KLHDC8A: variants seen among roughly 807,000 people sequenced by gnomAD.
KLHDC8A encodes the protein kelch domain containing 8A, also known as kelch domain-containing protein 8A.
A neutral mutation model predicts 33.1 loss-of-function variants in KLHDC8A; 21 were observed. The observed-to-expected ratio is 0.64, with a 90% CI of 0.45 to 0.91. The LOEUF is 0.91. Among genes scored for constraint, KLHDC8A ranks in the 40% least tolerant of loss-of-function variants. The probability of loss-of-function intolerance (pLI) is 0.00; values close to 1 mark genes in which losing one functional copy is unlikely to be tolerated. For missense variants in KLHDC8A, 435 were observed against 483.3 expected, an observed-to-expected ratio of 0.90 and a Z score of 0.94; for synonymous variants, 173 against 193.5, an observed-to-expected ratio of 0.89 and a Z score of 0.88.
Position 205,339,728 on chromosome 1 carries a change from C to A in KLHDC8A, c.457G>T (p.Asp153Tyr). 6.2e-7 allele frequency: 1 copy of A among 1,614,156 alleles called. No homozygotes were observed. The highest frequency in any genetic ancestry group is 2.2e-5 in the East Asian group (1 of 44,866). The change falls in exon 3 of 6, where the codon GAC becomes TAC. Residue 153 changes from aspartate (D) to tyrosine (Y), a missense_variant. Asp to Tyr is a radical substitution (Grantham distance 160, BLOSUM62 -3). Coordinates refer to ENST00000367155, the MANE Select transcript of KLHDC8A (RefSeq NM_018203.3). The surrounding 1 kb of genome is among the most constrained non-coding windows in gnomAD (Gnocchi z 5.1). ...NHLQHYDMLK[D>Y]MWVSLAPMPT... The stretch of plus-strand genomic sequence containing the variant: ...ATGGGTGCTAGGGACACCCACATGT[C>A]CTTCAGCATGTCATAGTGTTGGAGG...
At chr1:205,346,332 AGAACAGGT>A in intron 1 of KLHDC8A, among the ~76,000 whole-genome samples, 1 of 152,328 alleles carries the variant, frequency 6.6e-6, no homozygotes, top group African/African-American at 2.4e-5. Flanking sequence ...TCACAAAATC[AGAACAGGT>A]GATCGGGAAG....
At chr1:205,353,441 C>T (rs1663175404) in intron 1 of KLHDC8A, among the ~76,000 whole-genome samples, 1 of 152,220 alleles carries the variant, frequency 6.6e-6, no homozygotes, top group South Asian at 2.1e-4. Flanking sequence ...AAAATGTTTA[C>T]TATCTGGCCC....
At chr1:205,354,033 C>T (rs112918158) in intron 1 of KLHDC8A, among the ~76,000 whole-genome samples, 6 of 152,314 alleles carry the variant, frequency 3.9e-5, no homozygotes, top group African/African-American at 1.4e-4. Flanking sequence ...AGCAGCCCAG[C>T]GAGGACCCAC....
At chr1:205,349,843 T>A (rs1308978775) in intron 1 of KLHDC8A, among the ~76,000 whole-genome samples, 2 of 152,176 alleles carry the variant, frequency 1.3e-5, no homozygotes, top group African/African-American at 4.8e-5. Context: ...CTTGTTACGA[T>A]GAAGGCTATG....
intron 1 of KLHDC8A, among the ~76,000 whole-genome samples, chr1:205,354,952 T>C (rs767192902): frequency 8.5e-5 from 13 of 152,226 alleles, no homozygotes; most frequent in Non-Finnish European, 1.6e-4. Context: ...TCCTGAAGAA[T>C]TGCACTTGGT....
intron 1 of KLHDC8A, chr1:205,351,254 A>T: frequency 1.2e-6 from 1 of 817,182 alleles, no homozygotes; most frequent in Non-Finnish European, 2.2e-6. Flanking sequence ...ACCATGAGCA[A>T]AGCTCACCCT....
chr1:205,354,391 G>A (rs1663204864), intron 1 of KLHDC8A, among the ~76,000 whole-genome samples: 2 of 152,206 alleles, frequency 1.3e-5, no homozygotes, highest in Non-Finnish European at 2.9e-5. Flanking sequence ...TCTCAGGGGT[G>A]ATGGACAGCA....
Position 205,339,785 on chromosome 1 carries a change from C to G in KLHDC8A, c.400G>C (p.Gly134Arg), listed in dbSNP as rs765665935. The change falls in exon 3 of 6, where the codon GGG (glycine) becomes CGG (arginine). Residue 134 changes from glycine (G) to arginine (R), a missense_variant. By Grantham distance (125) the Gly-to-Arg change is moderately radical. Coordinates refer to ENST00000367155, the MANE Select transcript of KLHDC8A (RefSeq NM_018203.3). The surrounding 1 kb of genome is among the most constrained non-coding windows in gnomAD (Gnocchi z 5.1). Reference sequence around the variant, plus strand: ...TGTGGACGTAGGTCCAGGCCCATCCCGCCTGCCGCATATACTCGGTAATCT... The same window carrying G: ...TGTGGACGTAGGTCCAGGCCCATCCGGCCTGCCGCATATACTCGGTAATCT... ...AKDYRVYAAGGMGLDLRPHNH... is the reference protein window; with the variant it reads ...AKDYRVYAAGRMGLDLRPHNH... The G allele has an allele frequency of 9.3e-6, 15 of 1,613,568 alleles. No individual in the cohort carries two copies. The highest frequency in any genetic ancestry group is 1.3e-5 in the Non-Finnish European group (15 of 1,179,898).
At chr1:205,350,002 C>T (rs895333693) in intron 1 of KLHDC8A, among the ~76,000 whole-genome samples, 5 of 152,168 alleles carry the variant, frequency 3.3e-5, no homozygotes, top group African/African-American at 4.8e-5. Flanking sequence ...TCTTGGGGTG[C>T]TATACAGGCG....
At chr1:205,349,817 A>G (rs1470575161) in intron 1 of KLHDC8A, among the ~76,000 whole-genome samples, 1 of 152,186 alleles carries the variant, frequency 6.6e-6, no homozygotes, top group African/African-American at 2.4e-5. Context: ...GGACAGTCAG[A>G]AGACCTCTGC....
intron 5 of KLHDC8A, 136 bp downstream of exon 5, chr1:205,338,359 C>G: frequency 3.0e-6 from 2 of 663,432 alleles, no homozygotes; most frequent in South Asian, 1.9e-5. Context: ...AAAGGGAGTG[C>G]TTCGAATTTT....
rs1011009691 is a variant in KLHDC8A, at chr1:205,341,776, G to T, written c.376+1453C>A. On this transcript the variant is annotated intron_variant, in intron 2 of 5. Coordinates refer to ENST00000367155, the MANE Select transcript of KLHDC8A (RefSeq NM_018203.3). ...CGCCATTCTCCTGCCTCAGCCTCCC[G>T]AGTAGCTGGGACTACAGGCGCCCGC... Among the ~76,000 whole-genome samples the T allele has an allele frequency of 7.9e-5, 12 of 151,714 alleles. No homozygotes were observed. In the East Asian group the frequency reaches 9.7e-4, roughly 12 times the overall value.
In KLHDC8A at chr1:205,343,763, C is replaced by T; in HGVS notation, c.-159G>A. The stretch of plus-strand genomic sequence containing the variant: ...GCCAGTGCTTCACCGTGCCCCGAGT[C>T]TCAGCGGTCCGGCGGCGTCCACGCC... On this transcript the variant is annotated 5_prime_UTR_variant, in exon 2 of 6. Transcript: ENST00000367155. 1 of 803,822 alleles carries T rather than the reference C, an allele frequency of 1.2e-6. No homozygotes were observed. The highest frequency in any genetic ancestry group is 1.9e-6 in the Non-Finnish European group (1 of 535,692). 49.8% of individuals were successfully genotyped at this position (803,822 alleles called of 1,614,324 possible).
intron 1 of KLHDC8A, among the ~76,000 whole-genome samples, chr1:205,346,460 C>T (rs74140889): frequency 0.019 from 2,895 of 152,294 alleles, 101 homozygotes; most frequent in African/African-American, 0.065. Flanking sequence ...TTAAATGAGC[C>T]TTCACCACCC....
chr1:205,339,700 G>A lies in KLHDC8A; in HGVS notation c.485C>T (p.Pro162Leu). 1 of 1,614,156 alleles carries A rather than the reference G, an allele frequency of 6.2e-7. No individual in the cohort carries two copies. The highest frequency in any genetic ancestry group is 2.2e-5 in the East Asian group (1 of 44,880). Reference protein sequence around the residue: ...KDMWVSLAPMPTPRYAATSFL... With the variant: ...KDMWVSLAPMLTPRYAATSFL... ...GGAGGTGGCAGCATATCTCGGGGTG[G>A]GCATGGGTGCTAGGGACACCCACAT... Residue 162 changes from proline (P) to leucine (L), a missense_variant, in exon 3 of 6, where the codon CCC becomes CTC. Coordinates refer to ENST00000367155, the MANE Select transcript of KLHDC8A (RefSeq NM_018203.3). The surrounding 1 kb of genome is among the most constrained non-coding windows in gnomAD (Gnocchi z 5.1).
chr1:205,346,670 A>G (rs528662347), intron 1 of KLHDC8A, among the ~76,000 whole-genome samples: 2 of 152,232 alleles, frequency 1.3e-5, no homozygotes, highest in Non-Finnish European at 2.9e-5. Flanking sequence ...GAAGTGACTT[A>G]CTTAGGACCA....
rs368124625 is a variant in KLHDC8A, at chr1:205,337,447, G to T, written c.1005C>A (p.Asn335Lys). 5 of 1,613,812 alleles carry T rather than the reference G, an allele frequency of 3.1e-6. No homozygotes were observed. The African/African-American group carries it at 5.3e-5, about 17-fold the overall frequency. The change falls in exon 6 of 6, where the codon AAC (asparagine) becomes AAA (lysine). Residue 335 changes from asparagine to lysine, a missense_variant. Physicochemically the swap from Asn to Lys is moderately conservative, Grantham distance 94 (BLOSUM62 0). Transcript: ENST00000367155. Reference protein sequence around the residue: ...KNCLLAVGGVNQGLSDAVEAL... With the variant: ...KNCLLAVGGVKQGLSDAVEAL... Reference sequence around the variant, plus strand: ...CCTCCACTGCGTCACTCAGACCCTGGTTGACACCTCCCACGGCGAGGAGGC... The same window carrying T: ...CCTCCACTGCGTCACTCAGACCCTGTTTGACACCTCCCACGGCGAGGAGGC...
chr1:205,337,664 C>T (rs1662673798), intron 5 of KLHDC8A, 72 bp from the exon 6 acceptor site: 2 of 1,164,110 alleles, frequency 1.7e-6, no homozygotes, highest in Admixed American at 4.1e-5. Flanking sequence ...GTCACCCCAC[C>T]TCCCTCCCTT....
At chr1:205,349,830 C>T (rs955951715) in intron 1 of KLHDC8A, among the ~76,000 whole-genome samples, 20 of 152,150 alleles carry the variant, frequency 1.3e-4, no homozygotes, top group Admixed American at 1.2e-3. Flanking sequence ...ACCTCTGCTA[C>T]GTCTTGTTAC....
Sources: allele counts gnomAD v4.1 joint callset (sites outside exome capture counted in the v4.1 genomes callset), GRCh38; gene constraint gnomAD v4.1.1; non-coding constraint Gnocchi (gnomAD v3.1); transcripts MANE v1.5; gene names NCBI Gene and HGNC (gene_info 2026-07-23, HGNC 2026-07-21).